ATG4B: variants seen among roughly 807,000 people sequenced by gnomAD.
ATG4B encodes autophagy related 4B cysteine peptidase.
A neutral mutation model predicts 56.6 loss-of-function variants in ATG4B; 29 were observed. The observed-to-expected ratio is 0.51, with a 90% CI of 0.38 to 0.70. The LOEUF (loss-of-function observed/expected upper bound fraction) is 0.70, where lower values mean the gene tolerates loss of function less well. ATG4B is among the 30% of genes least tolerant of loss of function. ATG4B has a pLI of 0.00. For synonymous variants in ATG4B, 224 were observed against 206.1 expected, an observed-to-expected ratio of 1.09 and a Z score of -0.74; for missense variants, 461 against 515.5, an observed-to-expected ratio of 0.89 and a Z score of 1.02.
At position 241,654,664 on chromosome 2, in the gene ATG4B, T is replaced by C. The variant is rs1470534090; in HGVS notation, c.385+17T>C. 1.9e-6 allele frequency: 3 copies of C among 1,577,650 alleles called. No homozygotes were observed. The highest frequency in any genetic ancestry group is 3.7e-5 in the Admixed American group (2 of 54,474). On this transcript the variant is annotated intron_variant, in intron 5 of 12. Transcript: ENST00000404914. The stretch of plus-strand genomic sequence containing the variant: ...ACCAGATAGGTGGGAGGCTGCAGAA[T>C]GTGCCAGGCCCCACCCGGGCTGTCT...
In ATG4B at chr2:241,653,556, C is replaced by T. The variant is rs1391914338; in HGVS notation, c.229C>T (p.Arg77Trp). The change falls in exon 4 of 13, where the codon CGG (arginine) becomes TGG (tryptophan). Residue 77 changes from arginine (R) to tryptophan (W), a missense_variant. Arg to Trp is a moderately radical substitution (Grantham distance 101). Transcript: ENST00000404914. ...GGACACAGGCTGGGGCTGCATGCTGCGGTGTGGACAGATGATCTTTGCCCA... is the reference window on the plus strand; with the variant it reads ...GGACACAGGCTGGGGCTGCATGCTGTGGTGTGGACAGATGATCTTTGCCCA... ...TSDTGWGCMLRCGQMIFAQAL... is the reference protein window; with the variant it reads ...TSDTGWGCMLWCGQMIFAQAL... 4 of 1,583,160 alleles carry T rather than the reference C, an allele frequency of 2.5e-6. No individual in the cohort carries two copies. Among genetic ancestry groups the T allele is most frequent in the Admixed American group, 1.8e-5 (1 of 55,458 alleles).
chr2:241,638,523 T>C (rs544987886), intron 1 of ATG4B, among the ~76,000 whole-genome samples: 1 of 152,346 alleles, frequency 6.6e-6, no homozygotes, highest in South Asian at 2.1e-4. Flanking sequence ...TTTTAGCTCA[T>C]TCATTCTTTG....
At chr2:241,654,309 T>TACTCGGGAA (rs1323428550) in intron 4 of ATG4B, among the ~76,000 whole-genome samples, 4 of 151,052 alleles carry the variant, frequency 2.6e-5, no homozygotes, top group African/African-American at 9.7e-5. Flanking sequence ...TAGTCCCAGC[T>TACTCGGGAA]ACTCGGGAGG....
chr2:241,642,601 A>T (rs538819053), intron 1 of ATG4B, among the ~76,000 whole-genome samples: 1 of 152,144 alleles, frequency 6.6e-6, no homozygotes, highest in South Asian at 2.1e-4. Context: ...GGTTGAATGA[A>T]GTGTAATTGG....
intron 7 of ATG4B, 124 bp downstream of exon 7, chr2:241,659,311 C>T: frequency 1.2e-6 from 1 of 840,388 alleles, no homozygotes; most frequent in Non-Finnish European, 2.0e-6. Flanking sequence ...CGTGCAGGTG[C>T]TCCGTGGGGC....
intron 7 of ATG4B, among the ~76,000 whole-genome samples, chr2:241,665,315 C>T (rs1358669786): frequency 6.6e-6 from 1 of 152,204 alleles, no homozygotes; most frequent in East Asian, 1.9e-4. Context: ...AGCCACACAG[C>T]CTCATCACCA....
At chr2:241,653,267 C>T in intron 3 of ATG4B, 2 of 1,412,298 alleles carry the variant, frequency 1.4e-6, no homozygotes, top group Non-Finnish European at 2.0e-6. Context: ...ATTCCTTTTG[C>T]TCCGTGACTG....
Position 241,668,879 on chromosome 2 carries a change from C to A in ATG4B, c.957+194C>A. On this transcript the variant is annotated intron_variant, in intron 10 of 12. Transcript: ENST00000404914. The surrounding 1 kb of genome is among the most constrained non-coding windows in gnomAD (Gnocchi z 4.2). ...ACCCTCACGTCCCTCCCCCAGGCAC[C>A]ACCTCCTGTGCAGCCTTCATGGCCT... 1 of 758,558 alleles carries A rather than the reference C, an allele frequency of 1.3e-6. No individual in the cohort carries two copies. The highest frequency in any genetic ancestry group is 2.1e-6 in the Non-Finnish European group (1 of 480,990). 47.0% of individuals were successfully genotyped at this position (758,558 alleles called of 1,614,324 possible).
chr2:241,644,118 G>A (rs1292877827), intron 1 of ATG4B, among the ~76,000 whole-genome samples: 1 of 152,064 alleles, frequency 6.6e-6, no homozygotes, highest in African/African-American at 2.4e-5. Flanking sequence ...AGGCTGAGGT[G>A]GGTGGATCAC....
At chr2:241,660,063 G>A (rs912688990) in intron 7 of ATG4B, among the ~76,000 whole-genome samples, 7 of 152,116 alleles carry the variant, frequency 4.6e-5, no homozygotes, top group Non-Finnish European at 8.8e-5. Context: ...GGTGGCACGC[G>A]CCTATAGTCC....
chr2:241,673,448 G>A lies in ATG4B; in HGVS notation c.*1184G>A. 2 of 395,230 alleles carry A rather than the reference G, an allele frequency of 5.1e-6. No homozygotes were observed. Among genetic ancestry groups the A allele is most frequent in the Non-Finnish European group, 1.0e-5 (2 of 193,596 alleles). 24.5% of individuals were successfully genotyped at this position (395,230 alleles called of 1,614,324 possible). On this transcript the variant is annotated 3_prime_UTR_variant, in exon 13 of 13. Transcript: ENST00000404914. ...TCTCATGAGCAGCTACTGCGGCGTTGGCAGGACTCGCTGCTGCTGCTGCTG... is the reference window on the plus strand; with the variant it reads ...TCTCATGAGCAGCTACTGCGGCGTTAGCAGGACTCGCTGCTGCTGCTGCTG...
At chr2:241,660,187 C>T (rs900140123) in intron 7 of ATG4B, among the ~76,000 whole-genome samples, 1 of 152,096 alleles carries the variant, frequency 6.6e-6, no homozygotes, top group Non-Finnish European at 1.5e-5. Flanking sequence ...AGAATCCGTC[C>T]CCCGCCCCCC....
intron 10 of ATG4B, 132 bp from the exon 11 acceptor site, chr2:241,670,594 G>A: frequency 1.2e-6 from 1 of 865,284 alleles, no homozygotes; most frequent in Non-Finnish European, 1.9e-6. Context: ...AGGAGCCAAG[G>A]CAGGCTGGAA....
chr2:241,642,932 G>A (rs1006118451), intron 1 of ATG4B, among the ~76,000 whole-genome samples: 3 of 136,066 alleles, frequency 2.2e-5, no homozygotes, highest in Non-Finnish European at 4.6e-5. Flanking sequence ...AGACTGGCTG[G>A]AGTGCAGTGG....
chr2:241,643,143 C>G (rs1006439344), intron 1 of ATG4B, among the ~76,000 whole-genome samples: 2 of 151,746 alleles, frequency 1.3e-5, no homozygotes, highest in Non-Finnish European at 2.9e-5. Flanking sequence ...CCTCGGCCTC[C>G]CAAAGTGCTG....
chr2:241,667,603 CAAAT>C (rs1352810471), intron 8 of ATG4B, among the ~76,000 whole-genome samples: 3 of 143,094 alleles, frequency 2.1e-5, no homozygotes, highest in African/African-American at 5.2e-5. Context: ...GACTCCATCT[CAAAT>C]AAAAAAAAAA....
chr2:241,670,679 A>G (rs758381584), intron 10 of ATG4B, 47 bp from the exon 11 acceptor site: 6 of 1,543,210 alleles, frequency 3.9e-6, no homozygotes, highest in Non-Finnish European at 4.4e-6. Context: ...CTCTTAGCCG[A>G]CTGCAGATGG....
Position 241,643,146 on chromosome 2 carries a change from A to T in ATG4B, c.10+5422A>T, listed in dbSNP as rs2067953784. On this transcript the variant is annotated intron_variant, in intron 1 of 12. Coordinates refer to ENST00000404914, the MANE Select transcript of ATG4B (RefSeq NM_013325.5). ...GTGATCTGCCCGCCTCGGCCTCCCA[A>T]AGTGCTGGGATTACAGGTGAACCAC... Among the ~76,000 whole-genome samples the T allele has an allele frequency of 2.6e-5, 4 of 151,468 alleles. No homozygotes were observed. The South Asian group carries it at 6.3e-4, about 24-fold the overall frequency.
chr2:241,659,228 C>A (rs2068513285), intron 7 of ATG4B, 41 bp downstream of exon 7: 1 of 1,558,872 alleles, frequency 6.4e-7, no homozygotes, highest in South Asian at 1.1e-5. Context: ...AAGTTGAAAT[C>A]ACGGGCAACA....
Sources: gnomAD v4.1 joint callset for allele counts (sites outside exome capture counted in the v4.1 genomes callset) on GRCh38, gnomAD v4.1.1 for gene constraint, Gnocchi (gnomAD v3.1) non-coding constraint, MANE v1.5 for transcripts, NCBI Gene and HGNC (gene_info 2026-07-23, HGNC 2026-07-21) for gene names.